SLC4A4: variants seen among roughly 807,000 people sequenced by gnomAD.
SLC4A4 encodes the protein solute carrier family 4 member 4.
Under a neutral mutation model 111.5 loss-of-function variants are expected in SLC4A4, and 27 were observed. The ratio of observed to expected loss-of-function variants is 0.24; its 90% CI spans 0.18 to 0.33. The LOEUF (loss-of-function observed/expected upper bound fraction) is 0.33, where lower values mean the gene tolerates loss of function less well. Ranked by LOEUF, SLC4A4 falls within the 10% of genes least tolerant of loss-of-function variation. The probability of loss-of-function intolerance (pLI) is 1.00; values close to 1 mark genes in which losing one functional copy is unlikely to be tolerated. For synonymous variants in SLC4A4, 443 were observed against 463.4 expected (o/e 0.96, Z 0.57); for missense variants, 909 against 1,315.5 (o/e 0.69, Z 4.78).
At chr4:71,071,600 A>G (rs1271791919) in intron 1 of SLC4A4, among the ~76,000 whole-genome samples, 2 of 152,150 alleles carry the variant, frequency 1.3e-5, no homozygotes, top group African/African-American at 2.4e-5. Flanking sequence ...AATCATTGCT[A>G]CTAGCGTCTT....
intron 3 of SLC4A4, among the ~76,000 whole-genome samples, chr4:71,287,011 A>G (rs73826229): frequency 0.075 from 11,456 of 152,104 alleles, 782 homozygotes; most frequent in Admixed American, 0.22. Context: ...CCAAGACTTT[A>G]GCCAGGTTTG....
intron 2 of SLC4A4, among the ~76,000 whole-genome samples, chr4:71,138,501 G>A (rs965668551): frequency 2.0e-5 from 3 of 152,114 alleles, no homozygotes; most frequent in Admixed American, 6.5e-5. Context: ...AGGGAAATTC[G>A]TGCACTGTTA....
chr4:71,507,174 C>A (rs1052403067), intron 16 of SLC4A4, among the ~76,000 whole-genome samples: 1 of 152,006 alleles, frequency 6.6e-6, no homozygotes, highest in African/African-American at 2.4e-5. Flanking sequence ...CACCATAAGG[C>A]GACCACATAA....
chr4:71,317,072 G>C (rs1578822532), intron 3 of SLC4A4, among the ~76,000 whole-genome samples: 1 of 47,290 alleles, frequency 2.1e-5, no homozygotes, highest in Non-Finnish European at 5.2e-5. Context: ...TTGTGTGTGT[G>C]TGCGTGTGTG....
chr4:71,337,512 G>A (rs1003330109), intron 3 of SLC4A4, among the ~76,000 whole-genome samples: 2 of 152,030 alleles, frequency 1.3e-5, no homozygotes, highest in Admixed American at 6.6e-5. Context: ...GGATGTTTAG[G>A]ATTTTTCTGT....
chr4:71,452,076 T>C (rs1208384347), intron 11 of SLC4A4, among the ~76,000 whole-genome samples: 5 of 124,350 alleles, frequency 4.0e-5, no homozygotes, highest in African/African-American at 1.6e-4. Flanking sequence ...TATGAAGATA[T>C]GGCTTTTTAA....
chr4:71,094,301 GA>G (rs1185108354), intron 2 of SLC4A4, among the ~76,000 whole-genome samples: 1 of 152,192 alleles, frequency 6.6e-6, no homozygotes, highest in East Asian at 1.9e-4. Context: ...GATGATCAGA[GA>G]GAGAGAGATT....
At chr4:71,480,504 C>G (rs1057200238) in intron 14 of SLC4A4, among the ~76,000 whole-genome samples, 1 of 151,644 alleles carries the variant, frequency 6.6e-6, no homozygotes, top group Non-Finnish European at 1.5e-5. Context: ...GCCATTTTTA[C>G]CCTTTGTTGC....
intron 2 of SLC4A4, among the ~76,000 whole-genome samples, chr4:71,096,388 C>T (rs1578475162): frequency 1.3e-5 from 2 of 152,090 alleles, no homozygotes; most frequent in African/African-American, 4.8e-5. Context: ...AGTTGACAGG[C>T]AGAGAAGCAC....
rs73828132 is a variant in SLC4A4 at position 71,388,075 on chromosome 4, G to A, written c.731-9502G>A. Among the ~76,000 whole-genome samples the A allele has an allele frequency of 8.0e-3, 1,216 of 152,252 alleles. 18 individuals carry two copies. Among genetic ancestry groups the A allele is most frequent in the African/African-American group, 0.026 (1,069 of 41,528 alleles). On this transcript the variant is annotated intron_variant, in intron 6 of 25. Coordinates refer to ENST00000264485, the MANE Select transcript of SLC4A4 (RefSeq NM_001098484.3). ...CGAGATATTCATTTACTTCTGTTAT[G>A]TTACACCGTTGATAGGTTTTCCCTC...
chr4:71,564,059 T>G (rs1737239545), intron 24 of SLC4A4, among the ~76,000 whole-genome samples, 170 bp downstream of exon 24: 1 of 151,930 alleles, frequency 6.6e-6, no homozygotes, highest in Non-Finnish European at 1.5e-5. Flanking sequence ...TACCCTAAGC[T>G]TCATTCTTCC....
At chr4:71,108,770 A>G (rs1371536137) in intron 2 of SLC4A4, among the ~76,000 whole-genome samples, 1 of 152,098 alleles carries the variant, frequency 6.6e-6, no homozygotes, top group Admixed American at 6.6e-5. Flanking sequence ...GGAATCCTGG[A>G]AAGTCTGAAA....
At chr4:71,326,627 C>G (rs565113350) in intron 3 of SLC4A4, among the ~76,000 whole-genome samples, 1 of 152,128 alleles carries the variant, frequency 6.6e-6, no homozygotes, top group Non-Finnish European at 1.5e-5. Flanking sequence ...TTGTAAAGTG[C>G]CTTATCTATT....
intron 3 of SLC4A4, among the ~76,000 whole-genome samples, chr4:71,257,859 T>C (rs1194304357): frequency 1.3e-5 from 2 of 152,214 alleles, no homozygotes; most frequent in Non-Finnish European, 2.9e-5. Context: ...TTCCTTGCTC[T>C]CACCCTCATA....
At chr4:71,495,069 A>T (rs1317458275) in intron 15 of SLC4A4, among the ~76,000 whole-genome samples, 1 of 152,054 alleles carries the variant, frequency 6.6e-6, no homozygotes, top group Non-Finnish European at 1.5e-5. Flanking sequence ...TCCTTAATGA[A>T]AGGTGGTATT....
chr4:71,557,561 C>A (rs1466704042), intron 21 of SLC4A4, 151 bp from the exon 22 acceptor site: 1 of 741,910 alleles, frequency 1.3e-6, no homozygotes. Context: ...GTGTGCTTGA[C>A]TAAATTTCTG....
chr4:71,172,799 A>G (rs1020574565), intron 2 of SLC4A4, among the ~76,000 whole-genome samples: 3 of 152,224 alleles, frequency 2.0e-5, no homozygotes, highest in Admixed American at 6.5e-5. Context: ...CAGAACACCA[A>G]GAAAAAGATT....
intron 1 of SLC4A4, among the ~76,000 whole-genome samples, chr4:71,074,827 C>T (rs1456722453): frequency 1.3e-5 from 2 of 152,188 alleles, no homozygotes; most frequent in Non-Finnish European, 2.9e-5. Context: ...AGTTGCTCAG[C>T]AGGGACTGCT....
intron 5 of SLC4A4, among the ~76,000 whole-genome samples, chr4:71,352,346 C>T (rs1167603172): frequency 6.6e-6 from 1 of 151,966 alleles, no homozygotes; most frequent in Non-Finnish European, 1.5e-5. Flanking sequence ...TAAGGGTCAC[C>T]AGGAAGAGTC....
Sources: allele counts gnomAD v4.1 joint callset (sites outside exome capture counted in the v4.1 genomes callset), GRCh38; gene constraint gnomAD v4.1.1; transcripts MANE v1.5; gene names NCBI Gene and HGNC (gene_info 2026-07-23, HGNC 2026-07-21).